TMEM184B: variants seen among roughly 807,000 people sequenced by gnomAD.
TMEM184B encodes putative MAPK-activating protein FM08.
Under a neutral mutation model 41.8 loss-of-function variants are expected in TMEM184B, and 17 were observed. The ratio of observed to expected loss-of-function variants is 0.41; its 90% CI spans 0.28 to 0.61. The LOEUF (loss-of-function observed/expected upper bound fraction) is 0.61. Ranked by LOEUF, TMEM184B falls within the 20% of genes least tolerant of loss-of-function variation. TMEM184B has a pLI of 0.34. For synonymous variants in TMEM184B, 240 were observed against 229.5 expected, an observed-to-expected ratio of 1.05 and a Z score of -0.41; for missense variants, 393 against 557.8, an observed-to-expected ratio of 0.70 and a Z score of 2.98.
chr22:38,225,290 C>T lies in TMEM184B; in HGVS notation c.787+134G>A. On this transcript the variant is annotated intron_variant, in intron 7 of 8. Coordinates refer to ENST00000361906, the MANE Select transcript of TMEM184B (RefSeq NM_012264.5). The surrounding 1 kb of genome is among the most constrained non-coding windows in gnomAD (Gnocchi z 4.4). ...CCCTCGAGGGCTCAGATTTCACCCC[C>T]AGCAAGTGCCCAGTGGGCTGAGGCC... 1 of 1,202,968 alleles carries T rather than the reference C, an allele frequency of 8.3e-7. No individual in the cohort carries two copies. The highest frequency in any genetic ancestry group is 1.6e-5 in the South Asian group (1 of 61,974). The allele number at this position is 1,202,968 out of a possible 1,614,324, so 74.5% of individuals were successfully genotyped here. A position where few individuals can be genotyped will look rare whatever the true frequency, so the allele number is the denominator to read the frequency against.
intron 3 of TMEM184B, chr22:38,231,543 A>T (rs2091622414): frequency 1.5e-6 from 1 of 689,390 alleles, no homozygotes; most frequent in Non-Finnish European, 2.7e-6. Context: ...GGCACACCTA[A>T]ATTATCTTAT....
At chr22:38,256,372 C>T (rs1218416148) in intron 1 of TMEM184B, among the ~76,000 whole-genome samples, 7 of 152,002 alleles carry the variant, frequency 4.6e-5, no homozygotes, top group Non-Finnish European at 1.0e-4. Flanking sequence ...CACCACCATG[C>T]CTGCCTAATT....
In TMEM184B at chr22:38,241,611, C is replaced by T. The variant is rs1404640368; in HGVS notation, c.358+4324G>A. 4.0e-5 allele frequency among the ~76,000 whole-genome samples: 6 copies of T among 151,630 alleles called. No homozygotes were observed. In the East Asian group the frequency reaches 1.2e-3, roughly 29 times the overall value. On this transcript the variant is annotated intron_variant, in intron 3 of 8. Transcript: ENST00000361906. ...CAAGACCTGTCTCTTCAGTGCCAGG[C>T]ACGGTGCTCATGCCTGTAATACCAG...
At chr22:38,240,583 T>A (rs759033317) in intron 3 of TMEM184B, among the ~76,000 whole-genome samples, 1 of 151,658 alleles carries the variant, frequency 6.6e-6, no homozygotes, top group Non-Finnish European at 1.5e-5. Flanking sequence ...ACAGAAAGAC[T>A]TCCCAGAACC....
chr22:38,238,007 C>T (rs990298639), intron 3 of TMEM184B, among the ~76,000 whole-genome samples: 1 of 151,874 alleles, frequency 6.6e-6, no homozygotes, highest in Non-Finnish European at 1.5e-5. Flanking sequence ...TCCATGTTGG[C>T]CAGGCTGGTC....
chr22:38,271,537 C>G (rs1399147862), intron 1 of TMEM184B, among the ~76,000 whole-genome samples: 2 of 152,242 alleles, frequency 1.3e-5, no homozygotes, highest in Non-Finnish European at 2.9e-5. Flanking sequence ...CAGGCTTCAG[C>G]TCAACCGTCT....
chr22:38,218,758 G>A (rs1222497338), downstream of TMEM184B, among the ~76,000 whole-genome samples: 8 of 152,328 alleles, frequency 5.3e-5, no homozygotes, highest in East Asian at 5.8e-4. Context: ...TACCCGCCTC[G>A]GGAGGCTGGT....
intron 3 of TMEM184B, among the ~76,000 whole-genome samples, chr22:38,235,176 G>T (rs1001855790): frequency 6.6e-6 from 1 of 152,180 alleles, no homozygotes; most frequent in Non-Finnish European, 1.5e-5. Context: ...GCTCAGGCAG[G>T]GCAGGAGGGG....
chr22:38,245,860 G>A (rs2092015026), intron 3 of TMEM184B, 75 bp downstream of exon 3: 1 of 1,438,364 alleles, frequency 7.0e-7, no homozygotes, highest in African/African-American at 1.4e-5. Context: ...AAGCCCCTCG[G>A]GGAGGAATGT....
intron 1 of TMEM184B, among the ~76,000 whole-genome samples, chr22:38,249,538 G>A (rs2092117126): frequency 1.3e-5 from 2 of 152,306 alleles, no homozygotes; most frequent in South Asian, 2.1e-4. Context: ...TCATGAATGA[G>A]ATTAGTGCCC....
chr22:38,250,239 G>T (rs1214925185), intron 1 of TMEM184B, among the ~76,000 whole-genome samples: 1 of 152,240 alleles, frequency 6.6e-6, no homozygotes, highest in African/African-American at 2.4e-5. Context: ...TGTCTGCACT[G>T]CCCGCCTGCA....
intron 4 of TMEM184B, 94 bp downstream of exon 4, chr22:38,231,150 C>A (rs765681913): frequency 2.8e-6 from 3 of 1,088,538 alleles, no homozygotes; most frequent in African/African-American, 3.1e-5. Context: ...CACGGGCAGA[C>A]ATGGTCTGTG....
Position 38,226,847 on chromosome 22 carries a change from C to T in TMEM184B, c.549G>A (p.Val183=), listed in dbSNP as rs1237573497. 3 of 1,600,028 alleles carry T rather than the reference C, an allele frequency of 1.9e-6. No individual in the cohort carries two copies. Among genetic ancestry groups the T allele is most frequent in the East Asian group, 2.3e-5 (1 of 44,382 alleles). The change falls in exon 6 of 9, where the codon GTG becomes GTA. Residue 183 remains valine (V), a synonymous_variant. Coordinates refer to ENST00000361906, the MANE Select transcript of TMEM184B (RefSeq NM_012264.5). The surrounding 1 kb of genome is among the most constrained non-coding windows in gnomAD (Gnocchi z 4.6). The part of the protein sequence containing the change: ...CKQATLQFCV[V]KPLMAVSTVV... ...CAGTGCTGACCGCCATGAGTGGCTT[C>T]ACCACACAGAACTGCAGGGTGGCCT...
Position 38,219,776 on chromosome 22 carries a change from G to A in TMEM184B, c.*1693C>T, listed in dbSNP as rs574040156. ...ACAGCTTGGTGAAAGCAGATGGCGG[G>A]GCAGGGCCAGGGCTGGTCCTCAGCC... On this transcript the variant is annotated 3_prime_UTR_variant, in exon 9 of 9. Transcript: ENST00000361906. 1.4e-5 allele frequency: 14 copies of A among 985,628 alleles called. No individual in the cohort carries two copies. Among genetic ancestry groups the A allele is most frequent in the Non-Finnish European group, 1.6e-5 (13 of 830,064 alleles). 61.1% of individuals were successfully genotyped at this position (985,628 alleles called of 1,614,324 possible). A position where few individuals can be genotyped will look rare whatever the true frequency, so the allele number is the denominator to read the frequency against.
chr22:38,272,130 C>T (rs987570890), intron 1 of TMEM184B, among the ~76,000 whole-genome samples: 1 of 152,208 alleles, frequency 6.6e-6, no homozygotes, highest in African/African-American at 2.4e-5. Flanking sequence ...AACGTCTGGC[C>T]TTATACAACA....
intron 2 of TMEM184B, chr22:38,246,495 T>C (rs1043307220): frequency 2.2e-5 from 6 of 268,200 alleles, no homozygotes; most frequent in Non-Finnish European, 3.7e-5. Flanking sequence ...TCTACCTCAC[T>C]CCGGCTGTGA....
intron 5 of TMEM184B, among the ~76,000 whole-genome samples, chr22:38,228,192 C>T (rs566801654): frequency 1.3e-5 from 2 of 152,304 alleles, no homozygotes; most frequent in African/African-American, 2.4e-5. Flanking sequence ...CCCCACAGAA[C>T]GTCCCTGGCC....
At position 38,219,326 on chromosome 22, in the gene TMEM184B, G is replaced by C; in HGVS notation, c.*2143C>G. 2 of 985,786 alleles carry C rather than the reference G, an allele frequency of 2.0e-6. No individual in the cohort carries two copies. Among genetic ancestry groups the C allele is most frequent in the Non-Finnish European group, 2.4e-6 (2 of 829,928 alleles). 61.1% of individuals were successfully genotyped at this position (985,786 alleles called of 1,614,324 possible). ...TACAATCTATATTATCTCATATATA[G>C]ATTTCTTCCTCACTTTATTTGCTCA... On this transcript the variant is annotated 3_prime_UTR_variant, in exon 9 of 9. Transcript: ENST00000361906.
intron 1 of TMEM184B, among the ~76,000 whole-genome samples, chr22:38,257,447 G>A (rs1321725923): frequency 6.6e-6 from 1 of 152,138 alleles, no homozygotes; most frequent in African/African-American, 2.4e-5. Context: ...TGCTCCGTGT[G>A]CAGCTTCCTG....
Sources: gnomAD v4.1 joint callset for allele counts (sites outside exome capture counted in the v4.1 genomes callset) on GRCh38, gnomAD v4.1.1 for gene constraint, Gnocchi (gnomAD v3.1) non-coding constraint, MANE v1.5 for transcripts, NCBI Gene and HGNC (gene_info 2026-07-23, HGNC 2026-07-21) for gene names.